The following SAMHD1 variants were observed in gnomAD, a reference collection of about 807,000 sequenced individuals.
SAMHD1 encodes deoxynucleoside triphosphate triphosphohydrolase SAMHD1.
Under a neutral mutation model 79.6 loss-of-function variants are expected in SAMHD1, and 54 were observed. That is an observed-to-expected ratio of 0.68 (90% CI 0.55 to 0.85). SAMHD1 has a LOEUF of 0.85. Ranked by LOEUF, SAMHD1 falls within the 40% of genes least tolerant of loss-of-function variation. SAMHD1 has a pLI of 0.00. For missense variants in SAMHD1, 663 were observed against 782.7 expected (o/e 0.85, Z 1.82); for synonymous variants, 260 against 264.1 (o/e 0.98, Z 0.15).
chr20:36,945,614 C>T (rs1304849190), intron 2 of SAMHD1, among the ~76,000 whole-genome samples: 3 of 152,322 alleles, frequency 2.0e-5, no homozygotes, highest in South Asian at 4.1e-4. Context: ...CACACGGTGG[C>T]TTATGCCTGT....
intron 11 of SAMHD1, 27 bp downstream of exon 11, chr20:36,911,191 C>A (rs2063437237): frequency 7.5e-7 from 1 of 1,342,042 alleles, no homozygotes; most frequent in Non-Finnish European, 1.1e-6. Flanking sequence ...CTGAGATGGA[C>A]CATCTATGTT....
intron 15 of SAMHD1, 103 bp from the exon 16 acceptor site, chr20:36,893,169 A>G: frequency 1.4e-6 from 2 of 1,433,940 alleles, no homozygotes; most frequent in Non-Finnish European, 1.9e-6. Flanking sequence ...TCTTGCATAT[A>G]GATTGCTTCT....
rs1990038539 is a variant in SAMHD1, at chr20:36,890,406, C to CTTTCTT, written c.*2520_*2525dup. On this transcript the variant is annotated 3_prime_UTR_variant, in exon 16 of 16. Coordinates refer to ENST00000646673, the MANE Select transcript of SAMHD1 (RefSeq NM_015474.4). ...CAAAGATATTTCTTTCTCTTTCTTT[C>CTTTCTT]TTTCTTTCTTTCTTTTCTTTCTCTC... 4 of 149,336 alleles carry CTTTCTT rather than the reference C, an allele frequency of 2.7e-5. No individual in the cohort carries two copies. Among genetic ancestry groups the CTTTCTT allele is most frequent in the Admixed American group, 6.8e-5 (1 of 14,660 alleles). The allele number at this position is 149,336 out of a possible 1,614,324, so 9.3% of individuals were successfully genotyped here. A position where few individuals can be genotyped will look rare whatever the true frequency, so the allele number is the denominator to read the frequency against.
intron 4 of SAMHD1, 181 bp downstream of exon 4, chr20:36,934,848 G>C: frequency 1.8e-6 from 1 of 566,100 alleles, no homozygotes; most frequent in Non-Finnish European, 3.2e-6. Context: ...AGTAAAGATG[G>C]GGTTTCACAA....
intron 15 of SAMHD1, among the ~76,000 whole-genome samples, chr20:36,895,750 G>C (rs762950801): frequency 6.6e-6 from 1 of 151,860 alleles, no homozygotes; most frequent in Non-Finnish European, 1.5e-5. Context: ...CAGTGATTTA[G>C]TTTCAGTGAT....
intron 9 of SAMHD1, chr20:36,916,489 A>G (rs536618839): frequency 1.8e-5 from 8 of 450,118 alleles, no homozygotes; most frequent in Non-Finnish European, 3.2e-5. Context: ...GCAACCAACC[A>G]AACAAAAAAA....
At chr20:36,923,279 G>A (rs1444937991) in intron 6 of SAMHD1, among the ~76,000 whole-genome samples, 6 of 151,928 alleles carry the variant, frequency 3.9e-5, no homozygotes, top group Admixed American at 6.6e-5. Context: ...GATTACAGGC[G>A]CGAGCCACCA....
intron 9 of SAMHD1, among the ~76,000 whole-genome samples, 199 bp from the exon 10 acceptor site, chr20:36,912,751 ATTTTTTTTTT>A (rs66970329): frequency 4.7e-5 from 5 of 107,038 alleles, no homozygotes; most frequent in African/African-American, 1.4e-4. Flanking sequence ...TGCAACTTTC[ATTTTTTTTTT>A]TTTTTTTTTT....
intron 12 of SAMHD1, 146 bp from the exon 13 acceptor site, chr20:36,904,395 C>T: frequency 2.9e-6 from 2 of 691,586 alleles, no homozygotes; most frequent in Non-Finnish European, 2.6e-6. Flanking sequence ...CAATGTCACT[C>T]GTTAAACAAA....
chr20:36,900,213 T>C (rs1990276973), intron 13 of SAMHD1, among the ~76,000 whole-genome samples: 1 of 152,180 alleles, frequency 6.6e-6, no homozygotes, highest in Non-Finnish European at 1.5e-5. Context: ...TAGGGTTCTA[T>C]AGTACTGTAG....
chr20:36,896,039 T>C (rs1389943840), intron 15 of SAMHD1, among the ~76,000 whole-genome samples: 1 of 152,080 alleles, frequency 6.6e-6, no homozygotes, highest in Non-Finnish European at 1.5e-5. Flanking sequence ...TACCATTTTA[T>C]ATAAGGGACT....
At chr20:36,924,382 T>A (rs2146124869) in intron 6 of SAMHD1, among the ~76,000 whole-genome samples, 8 of 131,546 alleles carry the variant, frequency 6.1e-5, no homozygotes, top group African/African-American at 1.4e-4. Context: ...AGAAAGAAAG[T>A]GAGAAAGAGA....
At chr20:36,911,011 T>G (rs947721533) in intron 11 of SAMHD1, among the ~76,000 whole-genome samples, 13 of 152,064 alleles carry the variant, frequency 8.5e-5, no homozygotes, top group Non-Finnish European at 1.6e-4. Flanking sequence ...TCCTAGCACT[T>G]TGGGAGTCAA....
chr20:36,912,358 T>C (rs2063445521), intron 10 of SAMHD1, 103 bp downstream of exon 10: 1 of 738,170 alleles, frequency 1.4e-6, no homozygotes, highest in African/African-American at 1.7e-5. Context: ...AATCACTTAA[T>C]ATTCACTTGA....
At position 36,890,497 on chromosome 20, in the gene SAMHD1, T is replaced by A. The variant is rs1484078087; in HGVS notation, c.*2435A>T. Reference sequence around the variant, plus strand: ...CTTTTTGTTTGAGACAGAGTTTCGCTCTTGACCCCGAGGCTGGAGTGCAGT... The same window carrying A: ...CTTTTTGTTTGAGACAGAGTTTCGCACTTGACCCCGAGGCTGGAGTGCAGT... On this transcript the variant is annotated 3_prime_UTR_variant, in exon 16 of 16. Transcript: ENST00000646673. The A allele has an allele frequency of 6.6e-6, 1 of 151,186 alleles. No homozygotes were observed. Among genetic ancestry groups the A allele is most frequent in the Admixed American group, 6.7e-5 (1 of 15,030 alleles). The allele number at this position is 151,186 out of a possible 1,614,324, so 9.4% of individuals were successfully genotyped here. A position where few individuals can be genotyped will look rare whatever the true frequency, so the allele number is the denominator to read the frequency against.
intron 3 of SAMHD1, 39 bp from the exon 4 acceptor site, chr20:36,935,228 T>C (rs780396689): frequency 6.6e-7 from 1 of 1,526,496 alleles, no homozygotes; most frequent in African/African-American, 1.4e-5. Context: ...TAACGACATG[T>C]AAGTCCAACT....
chr20:36,939,859 A>G (rs2063629913), intron 3 of SAMHD1, among the ~76,000 whole-genome samples: 1 of 152,206 alleles, frequency 6.6e-6, no homozygotes, highest in Admixed American at 6.6e-5. Flanking sequence ...TAACAAAACA[A>G]GAAACATTTC....
intron 3 of SAMHD1, among the ~76,000 whole-genome samples, chr20:36,935,850 CGTGA>C (rs2063600412): frequency 6.6e-6 from 1 of 151,940 alleles, no homozygotes; most frequent in African/African-American, 2.4e-5. Flanking sequence ...GGATTACAGG[CGTGA>C]GCCACCGTGC....
Position 36,898,331 on chromosome 20 carries a change from T to C in SAMHD1, c.1608+109A>G. On this transcript the variant is annotated intron_variant, in intron 14 of 15. Transcript: ENST00000646673. ...GTATGAGCTACTGTGCCAGGCCCAC[T>C]TTAATTGTAAAGATATGCCTTAAAA... is the stretch of plus-strand genomic sequence containing the variant. 5 of 866,916 alleles carry C rather than the reference T, an allele frequency of 5.8e-6. No individual in the cohort carries two copies. The South Asian group carries it at 6.9e-5, about 12-fold the overall frequency. The allele number at this position is 866,916 out of a possible 1,614,324, so 53.7% of individuals were successfully genotyped here.
Sources: allele counts gnomAD v4.1 joint callset (sites outside exome capture counted in the v4.1 genomes callset), GRCh38; gene constraint gnomAD v4.1.1; transcripts MANE v1.5; gene names NCBI Gene and HGNC (gene_info 2026-07-23, HGNC 2026-07-21).